The following TRIM24 variants were observed in gnomAD, a reference collection of about 807,000 sequenced individuals.
The protein encoded by TRIM24 is transcription intermediary factor 1-alpha.
Under a neutral mutation model 123.9 loss-of-function variants are expected in TRIM24, and 29 were observed. The observed-to-expected ratio is 0.23, with a 90% confidence interval of 0.17 to 0.32. TRIM24 has a LOEUF of 0.32. Among genes scored for constraint, TRIM24 ranks in the 10% least tolerant of loss-of-function variants. TRIM24 has a pLI of 1.00. For missense variants in TRIM24, 932 were observed against 1,295.3 expected (o/e 0.72, Z 4.31); for synonymous variants, 456 against 461.1 (o/e 0.99, Z 0.14).
At chr7:138,532,970 A>T (rs1278240489) in intron 6 of TRIM24, among the ~76,000 whole-genome samples, 5 of 152,120 alleles carry the variant, frequency 3.3e-5, no homozygotes, top group African/African-American at 9.7e-5. Context: ...ATTCTCTTCG[A>T]AGCAATTGTG....
At chr7:138,557,367 G>A (rs1209683019) in intron 9 of TRIM24, among the ~76,000 whole-genome samples, 1 of 152,146 alleles carries the variant, frequency 6.6e-6, no homozygotes, top group Non-Finnish European at 1.5e-5. Context: ...GAAAAGGCAG[G>A]TTTCTTCCTT....
chr7:138,477,129 A>G (rs1795421643), intron 1 of TRIM24, among the ~76,000 whole-genome samples: 1 of 152,122 alleles, frequency 6.6e-6, no homozygotes, highest in Non-Finnish European at 1.5e-5. Context: ...CATGACAATA[A>G]GAAAAAGAGA....
chr7:138,539,611 G>A (rs375906887), intron 7 of TRIM24, among the ~76,000 whole-genome samples: 70 of 152,020 alleles, frequency 4.6e-4, no homozygotes, highest in Middle Eastern at 3.4e-3. Flanking sequence ...TTTATACTCC[G>A]AAGTATACTA....
chr7:138,530,490 G>A (rs1277832929), intron 6 of TRIM24, among the ~76,000 whole-genome samples: 1 of 151,940 alleles, frequency 6.6e-6, no homozygotes, highest in Non-Finnish European at 1.5e-5. Context: ...TTTTGAGACA[G>A]GGTCTCACTC....
At chr7:138,463,601 A>G (rs1795061743) in intron 1 of TRIM24, among the ~76,000 whole-genome samples, 1 of 152,176 alleles carries the variant, frequency 6.6e-6, no homozygotes, top group African/African-American at 2.4e-5. Context: ...GCATGATTAT[A>G]GAATTATGAC....
intron 4 of TRIM24, among the ~76,000 whole-genome samples, chr7:138,523,750 C>CAAAAAAA (rs756103684): frequency 8.7e-5 from 5 of 57,232 alleles, no homozygotes; most frequent in African/African-American, 7.3e-5. Flanking sequence ...GACTCCGTCT[C>CAAAAAAA]AAAAAAAAAA....
intron 2 of TRIM24, among the ~76,000 whole-genome samples, chr7:138,508,692 T>TGTGCGCGCGCGCGC (rs1422176564): frequency 0.1 from 14,058 of 137,010 alleles, 1,182 homozygotes; most frequent in East Asian, 0.26. Context: ...TGTGTGTGTG[T>TGTGCGCGCGCGCGC]GCGCGCGCGT....
In TRIM24 at chr7:138,589,722, G is replaced by GA. The variant is rs1377185159; in HGVS notation, c.*4773dup. 6.6e-6 allele frequency: 1 copy of GA among 152,200 alleles called. No homozygotes were observed. Among genetic ancestry groups the GA allele is most frequent in the Admixed American group, 6.5e-5 (1 of 15,278 alleles). 9.4% of individuals were successfully genotyped at this position (152,200 alleles called of 1,614,324 possible). A position where few individuals can be genotyped will look rare whatever the true frequency, so the allele number is the denominator to read the frequency against. On this transcript the variant is annotated 3_prime_UTR_variant, in exon 19 of 19. Coordinates refer to ENST00000343526, the MANE Select transcript of TRIM24 (RefSeq NM_015905.3). ...TCTAGTTGTCTGGAAGTTATTTGGG[G>GA]AAGGGGGGAAAGACACAGAGTGGGG...
rs188103876 is a variant in TRIM24 at position 138,560,591 on chromosome 7, C to T, written c.1530+5625C>T. On this transcript the variant is annotated intron_variant, in intron 9 of 18. Coordinates refer to ENST00000343526, the MANE Select transcript of TRIM24 (RefSeq NM_015905.3). ...AATTAGATATTGTTTGCAAACGGCT[C>T]GGGTGATGGCAGTGAGCCACAGCAC... 3.2e-3 allele frequency among the ~76,000 whole-genome samples: 488 copies of T among 152,206 alleles called. 1 individual carries two copies. Among genetic ancestry groups the T allele is most frequent in the African/African-American group, 0.011 (457 of 41,518 alleles).
At chr7:138,541,468 C>G (rs1261999911) in intron 7 of TRIM24, among the ~76,000 whole-genome samples, 1 of 152,072 alleles carries the variant, frequency 6.6e-6, no homozygotes, top group Non-Finnish European at 1.5e-5. Flanking sequence ...ATTTTCTGAG[C>G]AGTGGGTCTC....
At chr7:138,559,513 C>T (rs1387936157) in intron 9 of TRIM24, among the ~76,000 whole-genome samples, 1 of 152,178 alleles carries the variant, frequency 6.6e-6, no homozygotes, top group East Asian at 1.9e-4. Context: ...ATTTACTTCC[C>T]TGATGGTGCT....
intron 18 of TRIM24, among the ~76,000 whole-genome samples, chr7:138,584,417 A>T (rs1298701907): frequency 1.3e-5 from 2 of 152,174 alleles, no homozygotes; most frequent in East Asian, 1.9e-4. Flanking sequence ...TCTGTTACTC[A>T]TTCTAATAGT....
intron 7 of TRIM24, among the ~76,000 whole-genome samples, chr7:138,546,598 T>C (rs1016991669): frequency 2.6e-5 from 4 of 152,160 alleles, no homozygotes; most frequent in African/African-American, 9.7e-5. Flanking sequence ...TCAAAAGTTT[T>C]GGAAAAAGAC....
chr7:138,535,850 C>T (rs560276290), intron 6 of TRIM24, among the ~76,000 whole-genome samples: 1 of 152,232 alleles, frequency 6.6e-6, no homozygotes, highest in East Asian at 1.9e-4. Flanking sequence ...CTTTCAGGTA[C>T]ACCAATCAGA....
intron 1 of TRIM24, among the ~76,000 whole-genome samples, chr7:138,476,662 G>A (rs1231511188): frequency 1.3e-5 from 2 of 151,956 alleles, no homozygotes; most frequent in East Asian, 1.9e-4. Context: ...TACTTTTTGG[G>A]TGAAACTGAG....
At chr7:138,497,437 G>C (rs1242567625) in intron 1 of TRIM24, among the ~76,000 whole-genome samples, 6 of 119,010 alleles carry the variant, frequency 5.0e-5, no homozygotes, top group Non-Finnish European at 1.6e-5. Flanking sequence ...GTCTCGCTCT[G>C]TCTCCCAGGC....
chr7:138,548,989 C>CT (rs1027183774), intron 7 of TRIM24, among the ~76,000 whole-genome samples: 18 of 152,158 alleles, frequency 1.2e-4, no homozygotes, highest in African/African-American at 4.3e-4. Context: ...GAGGCGGTCA[C>CT]TTTTTTTAGT....
chr7:138,527,888 G>A (rs775531110), intron 5 of TRIM24, among the ~76,000 whole-genome samples: 1 of 151,804 alleles, frequency 6.6e-6, no homozygotes, highest in Non-Finnish European at 1.5e-5. Context: ...AACAAAGACT[G>A]GGCCTAGAAC....
chr7:138,577,452 ACT>A lies in TRIM24; in HGVS notation c.2123_2124del (p.Ser708TyrfsTer26). On this transcript the variant is annotated frameshift_variant, in exon 14 of 19. Transcript: ENST00000343526. LOFTEE classifies it high-confidence loss of function. ...TCTTCCAGCAAACCAGCAGGAGCTGACTCTACACACAAAGTCCCAGTGGTCAT... is the reference window on the plus strand; with the variant it reads ...TCTTCCAGCAAACCAGCAGGAGCTGACTACACACAAAGTCCCAGTGGTCAT... The A allele has an allele frequency of 6.3e-7, 1 of 1,593,044 alleles. No individual in the cohort carries two copies. The highest frequency in any genetic ancestry group is 8.5e-7 in the Non-Finnish European group (1 of 1,171,008).
Sources: gnomAD v4.1 joint callset for allele counts (sites outside exome capture counted in the v4.1 genomes callset) on GRCh38, gnomAD v4.1.1 for gene constraint, MANE v1.5 for transcripts, NCBI Gene and HGNC (gene_info 2026-07-23, HGNC 2026-07-21) for gene names.